The following CDK5RAP2 variants were observed in gnomAD, a reference collection of about 807,000 sequenced individuals.
The protein encoded by CDK5RAP2 is CDK5 regulatory subunit-associated protein 2.
In CDK5RAP2, 147 loss-of-function variants were observed where a neutral mutation model predicts 232.9. The observed-to-expected ratio is 0.63, with a 90% confidence interval of 0.55 to 0.72. The LOEUF is 0.72. Ranked by LOEUF, CDK5RAP2 falls within the 30% of genes least tolerant of loss-of-function variation. The pLI is 0.00. For missense variants in CDK5RAP2, 2,195 were observed against 2,231.5 expected (o/e 0.98, Z 0.33); for synonymous variants, 833 against 833.7 (o/e 1.00, Z 0.01).
intron 3 of CDK5RAP2, among the ~76,000 whole-genome samples, chr9:120,555,172 G>C (rs943538876): frequency 6.6e-6 from 1 of 151,808 alleles, no homozygotes; most frequent in African/African-American, 2.4e-5. Context: ...ACGGAGTCTC[G>C]CTTTATTGCC....
intron 25 of CDK5RAP2, among the ~76,000 whole-genome samples, chr9:120,434,983 A>C (rs2035492551): frequency 6.6e-6 from 1 of 152,242 alleles, no homozygotes; most frequent in Non-Finnish European, 1.5e-5. Flanking sequence ...AAAAGGATAC[A>C]GTTTTGACTC....
chr9:120,408,272 T>C, intron 31 of CDK5RAP2, 75 bp downstream of exon 31: 1 of 1,583,042 alleles, frequency 6.3e-7, no homozygotes, highest in East Asian at 2.2e-5. Flanking sequence ...TCTGCCCTCC[T>C]GTGCCTACAG....
chr9:120,493,166 G>GAACT (rs1345703207), intron 12 of CDK5RAP2, among the ~76,000 whole-genome samples: 1 of 152,212 alleles, frequency 6.6e-6, no homozygotes, highest in Non-Finnish European at 1.5e-5. Flanking sequence ...AAAAGGCAAG[G>GAACT]AACTGACTCT....
intron 12 of CDK5RAP2, among the ~76,000 whole-genome samples, chr9:120,513,357 C>T (rs574748792): frequency 6.6e-6 from 1 of 152,156 alleles, no homozygotes; most frequent in Admixed American, 6.5e-5. Flanking sequence ...CCAACCCTAC[C>T]CCACCAGGGG....
In CDK5RAP2 at chr9:120,403,385, A is replaced by G. The variant is rs1413100349; in HGVS notation, c.5042-314T>C. ...CTGCATTCCAGTAGCCCACAGTCTG[A>G]TCAGAACACAGACACTGCAGAAGGT... On this transcript the variant is annotated intron_variant, in intron 33 of 37. Transcript: ENST00000349780. This position sits in a 1 kb window ranked among gnomAD's most constrained non-coding sequence, Gnocchi z 4.2. 1 of 413,266 alleles carries G rather than the reference A, an allele frequency of 2.4e-6. No individual in the cohort carries two copies. The highest frequency in any genetic ancestry group is 4.5e-6 in the Non-Finnish European group (1 of 221,356). The allele number at this position is 413,266 out of a possible 1,614,324, so 25.6% of individuals were successfully genotyped here. A position where few individuals can be genotyped will look rare whatever the true frequency, so the allele number is the denominator to read the frequency against.
In CDK5RAP2 at chr9:120,389,002, T is replaced by G; in HGVS notation, c.*234A>C. 1 of 591,028 alleles carries G rather than the reference T, an allele frequency of 1.7e-6. No homozygotes were observed. The highest frequency in any genetic ancestry group is 1.9e-5 in the African/African-American group (1 of 53,860). The allele number at this position is 591,028 out of a possible 1,614,324, so 36.6% of individuals were successfully genotyped here. On this transcript the variant is annotated 3_prime_UTR_variant, in exon 38 of 38. Transcript: ENST00000349780. ...TCAACTCCGGTGCCTGCCCCTGATC[T>G]GAAATACAACATCCAAGAGCTCGAG...
chr9:120,527,730 C>T, intron 10 of CDK5RAP2, 76 bp downstream of exon 10: 1 of 1,531,168 alleles, frequency 6.5e-7, no homozygotes, highest in South Asian at 1.2e-5. Context: ...TTATCTGAAG[C>T]TAAAAATTCA....
At chr9:120,436,475 A>G (rs1053336637) in intron 25 of CDK5RAP2, among the ~76,000 whole-genome samples, 4 of 152,228 alleles carry the variant, frequency 2.6e-5, no homozygotes, top group Non-Finnish European at 5.9e-5. Flanking sequence ...AATTAATTAT[A>G]AAAATTCAAA....
chr9:120,493,609 T>C (rs1408362714), intron 12 of CDK5RAP2, among the ~76,000 whole-genome samples: 1 of 152,192 alleles, frequency 6.6e-6, no homozygotes, highest in Admixed American at 6.5e-5. Context: ...AATTTGACCA[T>C]GCATCTTATC....
At chr9:120,409,688 G>A (rs1160165527) in intron 29 of CDK5RAP2, among the ~76,000 whole-genome samples, 2 of 152,266 alleles carry the variant, frequency 1.3e-5, no homozygotes, top group Admixed American at 1.3e-4. Context: ...CCAGGAGGCC[G>A]GCAGGGCTGT....
intron 12 of CDK5RAP2, among the ~76,000 whole-genome samples, chr9:120,514,799 C>G (rs1449082960): frequency 6.6e-6 from 1 of 152,148 alleles, no homozygotes; most frequent in Admixed American, 6.5e-5. Context: ...CACTCCTTCC[C>G]AAATACCTCC....
intron 28 of CDK5RAP2, 51 bp from the exon 29 acceptor site, chr9:120,411,525 T>C (rs759642891): frequency 7.2e-6 from 7 of 974,406 alleles, no homozygotes; most frequent in Non-Finnish European, 1.0e-5. Context: ...CAGATCAGTA[T>C]AGACAGAACT....
In CDK5RAP2 at chr9:120,487,386, C is replaced by A; in HGVS notation, c.1534G>T (p.Ala512Ser). The A allele has an allele frequency of 6.2e-7, 1 of 1,613,632 alleles. No individual in the cohort carries two copies. Among genetic ancestry groups the A allele is most frequent in the Non-Finnish European group, 8.5e-7 (1 of 1,179,778 alleles). Residue 512 changes from alanine to serine, a missense_variant, in exon 14 of 38, where the codon GCT (alanine) becomes TCT (serine). Physicochemically the swap from Ala to Ser is moderately conservative, Grantham distance 99 (BLOSUM62 1). Transcript: ENST00000349780. ...EVIQQNCYLM[A>S]AEDLELRSEG... is the part of the protein sequence containing the mutation. ...CTCCTGAGCTCAAGATCCTCTGCAG[C>A]CATTAAATAGCAGTTCTGCTGTATT...
intron 3 of CDK5RAP2, among the ~76,000 whole-genome samples, chr9:120,551,338 G>A (rs911967097): frequency 6.6e-6 from 1 of 152,132 alleles, no homozygotes; most frequent in African/African-American, 2.4e-5. Flanking sequence ...GATCACTACA[G>A]AACATAATAT....
At chr9:120,464,415 GT>G (rs2037260537) in intron 18 of CDK5RAP2, among the ~76,000 whole-genome samples, 1 of 152,184 alleles carries the variant, frequency 6.6e-6, no homozygotes, top group Non-Finnish European at 1.5e-5. Context: ...TGTGCTCATA[GT>G]TTTAACATCA....
chr9:120,452,238 G>GTCTCGC (rs2036517435), intron 21 of CDK5RAP2, among the ~76,000 whole-genome samples: 1 of 142,858 alleles, frequency 7.0e-6, no homozygotes, highest in African/African-American at 2.6e-5. Context: ...TATAATGGCA[G>GTCTCGC]TCTCTCTCTC....
chr9:120,470,016 G>T (rs2037602976), intron 17 of CDK5RAP2, 95 bp downstream of exon 17: 4 of 690,798 alleles, frequency 5.8e-6, no homozygotes, highest in Admixed American at 2.3e-5. Flanking sequence ...AAGGAGAGAG[G>T]CCTTCAGAAT....
chr9:120,458,773 A>G, intron 19 of CDK5RAP2, 151 bp from the exon 20 acceptor site: 2 of 707,900 alleles, frequency 2.8e-6, no homozygotes, highest in East Asian at 2.7e-5. Context: ...GGGGGAGGAG[A>G]AGGAGGAAGA....
chr9:120,526,189 T>C (rs1381264047), intron 10 of CDK5RAP2, among the ~76,000 whole-genome samples: 1 of 152,234 alleles, frequency 6.6e-6, no homozygotes, highest in Non-Finnish European at 1.5e-5. Context: ...AGTCCTAGAT[T>C]GACCTCTTCA....
Sources: allele counts gnomAD v4.1 joint callset (sites outside exome capture counted in the v4.1 genomes callset), GRCh38; gene constraint gnomAD v4.1.1; non-coding constraint Gnocchi (gnomAD v3.1); transcripts MANE v1.5; gene names NCBI Gene and HGNC (gene_info 2026-07-23, HGNC 2026-07-21).